Variants in OXCT1 observed in about 807,000 individuals in gnomAD.
OXCT1 encodes succinyl-CoA:3-ketoacid coenzyme A transferase 1, mitochondrial.
OXCT1 carries 27 observed loss-of-function variants against 69.6 expected under a neutral mutation model. The observed-to-expected ratio is 0.39, with a 90% confidence interval of 0.29 to 0.54. The LOEUF is 0.54. OXCT1 is among the 20% of genes least tolerant of loss of function. The pLI is 0.72. For missense variants in OXCT1, 437 were observed against 650.2 expected, an observed-to-expected ratio of 0.67 and a Z score of 3.57; for synonymous variants, 202 against 217.8, an observed-to-expected ratio of 0.93 and a Z score of 0.64.
At chr5:41,787,160 C>T (rs1331914048) in intron 13 of OXCT1, among the ~76,000 whole-genome samples, 2 of 152,070 alleles carry the variant, frequency 1.3e-5, no homozygotes, top group African/African-American at 4.8e-5. Flanking sequence ...ATATCAAAAT[C>T]CCTAAAATAC....
chr5:41,830,029 C>G (rs1378038172), intron 7 of OXCT1, among the ~76,000 whole-genome samples: 1 of 152,134 alleles, frequency 6.6e-6, no homozygotes, highest in Non-Finnish European at 1.5e-5. Context: ...CACTCTATAC[C>G]TGGCTAAATA....
At chr5:41,805,737 C>T in intron 8 of OXCT1, 56 bp from the exon 9 acceptor site, 1 of 1,138,832 alleles carries the variant, frequency 8.8e-7, no homozygotes, top group Non-Finnish European at 1.3e-6. Flanking sequence ...TGTATTTTAT[C>T]ACTGCTGAAA....
intron 4 of OXCT1, among the ~76,000 whole-genome samples, chr5:41,850,563 A>C (rs1171932620): frequency 6.6e-6 from 1 of 152,118 alleles, no homozygotes; most frequent in Non-Finnish European, 1.5e-5. Flanking sequence ...TTATTTCATG[A>C]TCTATGTTGG....
intron 7 of OXCT1, among the ~76,000 whole-genome samples, chr5:41,837,642 A>C (rs549729656): frequency 3.3e-5 from 5 of 152,280 alleles, no homozygotes; most frequent in Admixed American, 6.5e-5. Flanking sequence ...AAAAAAAAAA[A>C]AAACTCCTTA....
chr5:41,843,844 G>T (rs577445557), intron 5 of OXCT1, among the ~76,000 whole-genome samples: 1 of 152,174 alleles, frequency 6.6e-6, no homozygotes, highest in Admixed American at 6.6e-5. Context: ...CAAGTTGCCT[G>T]CTAGAAAAAA....
intron 7 of OXCT1, among the ~76,000 whole-genome samples, chr5:41,834,136 T>A: frequency 6.7e-6 from 1 of 149,576 alleles, no homozygotes; most frequent in Non-Finnish European, 1.5e-5. Flanking sequence ...CATGCTAACA[T>A]CAAATACAAA....
chr5:41,802,960 T>C, intron 10 of OXCT1, 109 bp downstream of exon 10: 4 of 779,940 alleles, frequency 5.1e-6, no homozygotes, highest in Admixed American at 2.0e-5. Flanking sequence ...CAAAAATCAC[T>C]TGCACCCTAA....
At chr5:41,783,532 C>T (rs1053487459) in intron 13 of OXCT1, among the ~76,000 whole-genome samples, 2 of 152,134 alleles carry the variant, frequency 1.3e-5, no homozygotes, top group Non-Finnish European at 2.9e-5. Flanking sequence ...ATGAGAAGAG[C>T]CTGCTGCAGT....
At chr5:41,801,135 A>AGTTC in intron 10 of OXCT1, 65 bp from the exon 11 acceptor site, 13 of 1,181,396 alleles carry the variant, frequency 1.1e-5, no homozygotes, top group Non-Finnish European at 1.4e-5. Context: ...TATTAGAACT[A>AGTTC]TAATATAAAT....
chr5:41,761,624 A>G (rs1744350338), intron 14 of OXCT1, among the ~76,000 whole-genome samples: 1 of 152,136 alleles, frequency 6.6e-6, no homozygotes, highest in African/African-American at 2.4e-5. Context: ...GCTATCACCT[A>G]GTCCATTATT....
intron 3 of OXCT1, among the ~76,000 whole-genome samples, chr5:41,854,563 C>A (rs1429398015): frequency 6.6e-6 from 1 of 151,498 alleles, no homozygotes. Context: ...GAATACTTGA[C>A]CTTAAGCTTT....
intron 13 of OXCT1, among the ~76,000 whole-genome samples, chr5:41,773,870 C>T (rs1745000024): frequency 6.6e-6 from 1 of 152,008 alleles, no homozygotes; most frequent in African/African-American, 2.4e-5. Context: ...TGTGAAAAAA[C>T]AGTGTTTTAA....
At chr5:41,750,144 T>A (rs955878746) in intron 14 of OXCT1, among the ~76,000 whole-genome samples, 1 of 149,080 alleles carries the variant, frequency 6.7e-6, no homozygotes, top group Admixed American at 6.7e-5. Context: ...GGTTTTTTTT[T>A]TTTTTTTTTT....
chr5:41,866,816 G>C (rs1395957292), intron 1 of OXCT1, among the ~76,000 whole-genome samples: 1 of 152,206 alleles, frequency 6.6e-6, no homozygotes, highest in Non-Finnish European at 1.5e-5. Context: ...TGCTCCGAAG[G>C]AGCACAGATG....
chr5:41,857,590 G>T (rs1561134004), intron 3 of OXCT1, among the ~76,000 whole-genome samples: 1 of 152,130 alleles, frequency 6.6e-6, no homozygotes, highest in African/African-American at 2.4e-5. Context: ...TATTCCTCTG[G>T]CTCTCTCCCT....
chr5:41,783,720 G>T lies in OXCT1; in HGVS notation c.1248+10283C>A, dbSNP rs559712619. 2.6e-5 allele frequency among the ~76,000 whole-genome samples: 4 copies of T among 152,318 alleles called. No individual in the cohort carries two copies. In the South Asian group the frequency reaches 8.3e-4, roughly 32 times the overall value. On this transcript the variant is annotated intron_variant, in intron 13 of 16. Transcript: ENST00000196371. The stretch of plus-strand genomic sequence containing the variant: ...AATATTTGATTAAATTCTTACAAGA[G>T]TGTCTGGTAGGCAGTGTAGCAGCAT...
chr5:41,735,576 A>T (rs545356030), intron 16 of OXCT1, among the ~76,000 whole-genome samples: 2 of 152,234 alleles, frequency 1.3e-5, no homozygotes, highest in Non-Finnish European at 2.9e-5. Context: ...AAATTTTTTT[A>T]AAGTTTTTAC....
At chr5:41,800,601 TG>T (rs1388040067) in intron 11 of OXCT1, among the ~76,000 whole-genome samples, 1 of 151,152 alleles carries the variant, frequency 6.6e-6, no homozygotes, top group African/African-American at 2.4e-5. Flanking sequence ...TTCCATTAAG[TG>T]GCCTTTGGTA....
intron 12 of OXCT1, 35 bp from the exon 13 acceptor site, chr5:41,794,113 AT>A: frequency 6.6e-7 from 1 of 1,517,674 alleles, no homozygotes; most frequent in East Asian, 2.3e-5. Flanking sequence ...AGTGAACCTC[AT>A]AAGCTTTTGT....
Sources: allele counts gnomAD v4.1 joint callset (sites outside exome capture counted in the v4.1 genomes callset), GRCh38; gene constraint gnomAD v4.1.1; transcripts MANE v1.5; gene names NCBI Gene and HGNC (gene_info 2026-07-23, HGNC 2026-07-21).